The following ACHE variants were observed in gnomAD, a reference collection of about 807,000 sequenced individuals.
The protein encoded by ACHE is acetylcholinesterase (Yt blood group), also known as acetylcholinesterase.
In ACHE, 19 loss-of-function variants were observed where a neutral mutation model predicts 53.9. That is an observed-to-expected ratio of 0.35 (90% CI 0.25 to 0.52). ACHE has a LOEUF of 0.52. Among genes scored for constraint, ACHE ranks in the 20% least tolerant of loss-of-function variants. The pLI, the probability that ACHE is intolerant of heterozygous loss-of-function variation, is 0.95. For synonymous variants in ACHE, 392 were observed against 378.1 expected (o/e 1.04, Z -0.43); for missense variants, 605 against 849.4 (o/e 0.71, Z 3.58).
chr7:100,896,615 CG>C, upstream of ACHE: 1 of 268,424 alleles, frequency 3.7e-6, no homozygotes, highest in Non-Finnish European at 8.0e-6. Context: ...CACTCCGCGG[CG>C]GCAGTGGAAA....
chr7:100,894,099 C>G lies in ACHE; in HGVS notation c.134G>C (p.Gly45Ala), dbSNP rs1342065359. ...CAGGCGAATGCCCCGCAGCCGGCCC[C>G]CACGCACCGTCACCAGCAGCTCTGC... ...EDAELLVTVR[G>A]GRLRGIRLKT... The change falls in exon 2 of 5, where the codon GGG (glycine) becomes GCG (alanine). Residue 45 changes from glycine to alanine, a missense_variant. Transcript: ENST00000241069. 2 of 1,518,290 alleles carry G rather than the reference C, an allele frequency of 1.3e-6. No homozygotes were observed. Among genetic ancestry groups the G allele is most frequent in the African/African-American group, 2.8e-5 (2 of 72,128 alleles). 94.1% of individuals were successfully genotyped at this position (1,518,290 alleles called of 1,614,324 possible).
rs1390427577 is a variant in ACHE at position 100,890,943 on chromosome 7, G to A, written c.1723+226C>T. 3 of 1,470,754 alleles carry A rather than the reference G, an allele frequency of 2.0e-6. No homozygotes were observed. In the African/African-American group the frequency reaches 4.2e-5, roughly 21 times the overall value. The allele number at this position is 1,470,754 out of a possible 1,614,324, so 91.1% of individuals were successfully genotyped here. On this transcript the variant is annotated intron_variant, in intron 4 of 4. Coordinates refer to ENST00000241069, the MANE Select transcript of ACHE (RefSeq NM_000665.5). ...AGAGGAGGGGCCCCTGTGGCCGTAGGGGAAGAGGCCGTGTTCACAGCCGCC... is the reference window on the plus strand; with the variant it reads ...AGAGGAGGGGCCCCTGTGGCCGTAGAGGAAGAGGCCGTGTTCACAGCCGCC...
Position 100,894,173 on chromosome 7 carries a change from G to A in ACHE, c.60C>T (p.Leu20=), listed in dbSNP as rs747408890. The change falls in exon 2 of 5, where the codon CTC becomes CTT. Residue 20 remains leucine (L), a synonymous_variant. Coordinates refer to ENST00000241069, the MANE Select transcript of ACHE (RefSeq NM_000665.5). ...TPSLASPLLL[L]LLWLLGGGVG... The stretch of plus-strand genomic sequence containing the variant: ...CTCCTCCACCCAGGAGCCAGAGGAG[G>A]AGGAGAAGGAGTGGGGAAGCCAGGG... 9 of 1,482,380 alleles carry A rather than the reference G, an allele frequency of 6.1e-6. No homozygotes were observed. The South Asian group carries it at 1.2e-4, about 20-fold the overall frequency. The allele number at this position is 1,482,380 out of a possible 1,614,324, so 91.8% of individuals were successfully genotyped here.
upstream of ACHE, chr7:100,896,819 C>T (rs934098739): frequency 4.8e-5 from 10 of 206,868 alleles, no homozygotes; most frequent in Non-Finnish European, 1.1e-4. Context: ...AGATTGCCCC[C>T]CGCCCCGCCC....
chr7:100,890,082 C>G lies in ACHE; in HGVS notation c.*132G>C. 1 of 1,175,600 alleles carries G rather than the reference C, an allele frequency of 8.5e-7. No homozygotes were observed. The highest frequency in any genetic ancestry group is 1.6e-5 in the South Asian group (1 of 64,042). The allele number at this position is 1,175,600 out of a possible 1,614,324, so 72.8% of individuals were successfully genotyped here. A position where few individuals can be genotyped will look rare whatever the true frequency, so the allele number is the denominator to read the frequency against. ...TGAGACATGCAGAGGACCGGGAGCC[C>G]CGGGGGACGTCGGGGTGGGGTGGGG... On this transcript the variant is annotated 3_prime_UTR_variant, in exon 5 of 5. Coordinates refer to ENST00000241069, the MANE Select transcript of ACHE (RefSeq NM_000665.5).
chr7:100,892,304 C>T lies in ACHE; in HGVS notation c.1553+30G>A. On this transcript the variant is annotated intron_variant, in intron 3 of 4. Transcript: ENST00000241069. This position sits in a 1 kb window ranked among gnomAD's most constrained non-coding sequence, Gnocchi z 5.2. ...CCTCCCGCCCCCGACTCCTGTCCTC[C>T]CCAGCCTTCTCTCCCTCTGCACTGC... is the stretch of plus-strand genomic sequence containing the variant. 1.3e-6 allele frequency: 2 copies of T among 1,487,154 alleles called. No individual in the cohort carries two copies. The highest frequency in any genetic ancestry group is 2.3e-5 in the Admixed American group (1 of 43,220). 92.1% of individuals were successfully genotyped at this position (1,487,154 alleles called of 1,614,324 possible).
rs1790906783 is a variant in ACHE at position 100,894,305 on chromosome 7, G to A, written c.-20-53C>T. On this transcript the variant is annotated intron_variant, in intron 1 of 4. Transcript: ENST00000241069. ...GAAGGGTCGGTCGAGAAGCCAGGAG[G>A]GAGGAGATTAGGGCACTGTCGGCCC... is the stretch of plus-strand genomic sequence containing the variant. The A allele has an allele frequency of 3.8e-6, 5 of 1,310,680 alleles. No individual in the cohort carries two copies. The East Asian group carries it at 1.1e-4, about 28-fold the overall frequency. 81.2% of individuals were successfully genotyped at this position (1,310,680 alleles called of 1,614,324 possible).
In ACHE at chr7:100,892,176, C is replaced by T. The variant is rs1790739081; in HGVS notation, c.1553+158G>A. Among the ~76,000 whole-genome samples the T allele has an allele frequency of 6.6e-6, 1 of 151,558 alleles. No homozygotes were observed. Among genetic ancestry groups the T allele is most frequent in the Admixed American group, 6.6e-5 (1 of 15,166 alleles). On this transcript the variant is annotated intron_variant, in intron 3 of 4. Transcript: ENST00000241069. This position sits in a 1 kb window ranked among gnomAD's most constrained non-coding sequence, Gnocchi z 5.2. ...TGCCTTCTCTGTCTCCTTTCTTTTT[C>T]TCTCCCCTTTTATCTACTTTGTGAG...
Position 100,892,870 on chromosome 7 carries a change from A to G in ACHE, c.1069-52T>C. 6.7e-7 allele frequency: 1 copy of G among 1,495,986 alleles called. No homozygotes were observed. The highest frequency in any genetic ancestry group is 8.9e-7 in the Non-Finnish European group (1 of 1,123,580). The allele number at this position is 1,495,986 out of a possible 1,614,324, so 92.7% of individuals were successfully genotyped here. Reference sequence around the variant, plus strand: ...ATGGAGCGACAGGCACAGACAGACAAGTAGACAGAAACAGATGGACAGACA... The same window carrying G: ...ATGGAGCGACAGGCACAGACAGACAGGTAGACAGAAACAGATGGACAGACA... On this transcript the variant is annotated intron_variant, in intron 2 of 4. Transcript: ENST00000241069. The surrounding 1 kb of genome is among the most constrained non-coding windows in gnomAD (Gnocchi z 5.2).
chr7:100,896,703 CGGGGCATG>C, upstream of ACHE: 1 of 308,344 alleles, frequency 3.2e-6, no homozygotes, highest in South Asian at 2.2e-5. Context: ...AGGGTCCGGT[CGGGGCATG>C]ACATCACCAG....
intron 1 of ACHE, chr7:100,894,486 G>A (rs961213280): frequency 1.0e-5 from 4 of 384,336 alleles, no homozygotes; most frequent in Non-Finnish European, 1.9e-5. Context: ...ACAAATGCAG[G>A]GAACAGAGAG....
chr7:100,892,687 C>T lies in ACHE; in HGVS notation c.1200G>A (p.Gln400=). 1.2e-6 allele frequency: 2 copies of T among 1,613,634 alleles called. No individual in the cohort carries two copies. The highest frequency in any genetic ancestry group is 2.2e-5 in the East Asian group (1 of 44,864). The change falls in exon 3 of 5, where the codon CAG becomes CAA. Residue 400 remains glutamine, a synonymous_variant. Transcript: ENST00000241069. This position sits in a 1 kb window ranked among gnomAD's most constrained non-coding sequence, Gnocchi z 5.2. ...CAGCCTCGGCTGCCAGGTCACTTAC[C>T]TGGGGAACCCCGACCCGCACCCCGG... The part of the protein sequence containing the change: ...FLAGVRVGVP[Q]VSDLAAEAVV...
intron 2 of ACHE, 120 bp downstream of exon 2, chr7:100,893,045 G>A: frequency 8.0e-7 from 1 of 1,251,524 alleles, no homozygotes; most frequent in Non-Finnish European, 1.1e-6. Flanking sequence ...CCCTCAGGGA[G>A]GACTTCTGGG....
chr7:100,890,514 G>A, intron 4 of ACHE, 179 bp from the exon 5 acceptor site: 2 of 1,438,984 alleles, frequency 1.4e-6, no homozygotes, highest in Non-Finnish European at 1.8e-6. Context: ...ACGAGAGGGA[G>A]GATGAGGGCA....
At chr7:100,890,918 AGAG>A (rs1790639783) in intron 4 of ACHE, 7 of 1,474,966 alleles carry the variant, frequency 4.7e-6, no homozygotes, top group Middle Eastern at 2.5e-4. Flanking sequence ...ACCACTCATT[AGAG>A]GAGGGGCCCC....
chr7:100,891,496 C>T (rs17886712), intron 3 of ACHE, among the ~76,000 whole-genome samples, 158 bp from the exon 4 acceptor site: 3,665 of 152,222 alleles, frequency 0.024, 141 homozygotes, highest in African/African-American at 0.084. Context: ...TTGGGGTCTT[C>T]CCTTCCTCAA....
At position 100,895,267 on chromosome 7, in the gene ACHE, G is replaced by C. The variant is rs1453244500; in HGVS notation, c.-21+535C>G. ...CCGCCGCCCTGAGCGGGGGGTGGTG[G>C]TGCTGCTGGAGATTAACTAGGAAAC... On this transcript the variant is annotated intron_variant, in intron 1 of 4. Transcript: ENST00000241069. Among the ~76,000 whole-genome samples, 9 of 152,294 alleles carry C rather than the reference G, an allele frequency of 5.9e-5. No homozygotes were observed. In the East Asian group the frequency reaches 1.7e-3, roughly 30 times the overall value.
chr7:100,892,934 T>C lies in ACHE; in HGVS notation c.1069-116A>G, dbSNP rs1382490280. ...ATGAACAGTTACAGACCCGGAACCA[T>C]GGACAGAGAGAGGACGAGATCAGGG... On this transcript the variant is annotated intron_variant, in intron 2 of 4. Transcript: ENST00000241069. This position sits in a 1 kb window ranked among gnomAD's most constrained non-coding sequence, Gnocchi z 5.2. 4.4e-6 allele frequency: 6 copies of C among 1,355,716 alleles called. No individual in the cohort carries two copies. The highest frequency in any genetic ancestry group is 5.0e-5 in the East Asian group (2 of 39,710). The allele number at this position is 1,355,716 out of a possible 1,614,324, so 84.0% of individuals were successfully genotyped here. A position where few individuals can be genotyped will look rare whatever the true frequency, so the allele number is the denominator to read the frequency against.
At position 100,892,451 on chromosome 7, in the gene ACHE, C is replaced by A; in HGVS notation, c.1436G>T (p.Gly479Val). 6.4e-7 allele frequency: 1 copy of A among 1,554,392 alleles called. No homozygotes were observed. The part of the protein sequence containing the change: ...SWPLWMGVPH[G>V]YEIEFIFGIP... Reference sequence around the variant, plus strand: ...CCCAAAGATGAACTCGATCTCGTAGCCGTGGGGCACCCCCATCCACAGGGG... The same window carrying A: ...CCCAAAGATGAACTCGATCTCGTAGACGTGGGGCACCCCCATCCACAGGGG... The change falls in exon 3 of 5, where the codon GGC becomes GTC. Residue 479 changes from glycine (G) to valine (V), a missense_variant. Gly to Val is a moderately radical substitution (Grantham distance 109). Coordinates refer to ENST00000241069, the MANE Select transcript of ACHE (RefSeq NM_000665.5). This position sits in a 1 kb window ranked among gnomAD's most constrained non-coding sequence, Gnocchi z 5.2.
Sources: allele counts gnomAD v4.1 joint callset (sites outside exome capture counted in the v4.1 genomes callset), GRCh38; gene constraint gnomAD v4.1.1; non-coding constraint Gnocchi (gnomAD v3.1); transcripts MANE v1.5; gene names NCBI Gene and HGNC (gene_info 2026-07-23, HGNC 2026-07-21).